SART1: variants seen among roughly 807,000 people sequenced by gnomAD.
SART1 encodes U4/U6.U5 tri-snRNP-associated protein 1.
SART1 carries 28 observed loss-of-function variants against 105.0 expected under a neutral mutation model. The observed-to-expected ratio is 0.27, with a 90% confidence interval of 0.20 to 0.37. The LOEUF (loss-of-function observed/expected upper bound fraction) is 0.37, where lower values mean the gene tolerates loss of function less well. SART1 is among the 10% of genes least tolerant of loss of function. The pLI is 1.00. For missense variants in SART1, 894 were observed against 1,106.5 expected, an observed-to-expected ratio of 0.81 and a Z score of 2.72; for synonymous variants, 472 against 462.9, an observed-to-expected ratio of 1.02 and a Z score of -0.25.
At position 65,967,719 on chromosome 11, in the gene SART1, G is replaced by A; in HGVS notation, c.1470G>A (p.Leu490=). The change falls in exon 12 of 20, where the codon CTG becomes CTA. Residue 490 remains leucine, a synonymous_variant. Transcript: ENST00000312397. ...CACCGCCGGGGTCCCCGCAGGTGCT[G>A]GAGGAGGACGAGGCGGAGCTGGAGC... The part of the protein sequence containing the change: ...GAPPPGSPQV[L]EEDEAELELQ... 1 of 1,559,370 alleles carries A rather than the reference G, an allele frequency of 6.4e-7. No homozygotes were observed. Among genetic ancestry groups the A allele is most frequent in the Non-Finnish European group, 8.7e-7 (1 of 1,151,706 alleles).
chr11:65,976,837 T>G lies in SART1; in HGVS notation c.1857+71T>G. 1.5e-6 allele frequency: 2 copies of G among 1,343,254 alleles called. No individual in the cohort carries two copies. The highest frequency in any genetic ancestry group is 1.3e-5 in the South Asian group (1 of 77,610). The allele number at this position is 1,343,254 out of a possible 1,614,324, so 83.2% of individuals were successfully genotyped here. A position where few individuals can be genotyped will look rare whatever the true frequency, so the allele number is the denominator to read the frequency against. On this transcript the variant is annotated intron_variant, in intron 14 of 19. Transcript: ENST00000312397. This position sits in a 1 kb window ranked among gnomAD's most constrained non-coding sequence, Gnocchi z 5.1. Reference sequence around the variant, plus strand: ...CTGGAGATGAGCACCGGGCTCGGTGTCCAGAGCCTCAGCCTCCTCATCCAG... The same window carrying G: ...CTGGAGATGAGCACCGGGCTCGGTGGCCAGAGCCTCAGCCTCCTCATCCAG...
Position 65,976,435 on chromosome 11 carries a change from G to A in SART1, c.1613G>A (p.Gly538Asp), listed in dbSNP as rs1255935406. 2.6e-6 allele frequency: 4 copies of A among 1,567,996 alleles called. No homozygotes were observed. The highest frequency in any genetic ancestry group is 1.4e-5 in the African/African-American group (1 of 73,532). Reference sequence around the variant, plus strand: ...AAGAAGCTGGAGTCTCGCCAGCGGGGCTGGGAGGAGGATGAGGATCCCGAG... The same window carrying A: ...AAGAAGCTGGAGTCTCGCCAGCGGGACTGGGAGGAGGATGAGGATCCCGAG... ...IVKKLESRQRGWEEDEDPERK... is the reference protein window; with the variant it reads ...IVKKLESRQRDWEEDEDPERK... The change falls in exon 13 of 20, where the codon GGC (glycine) becomes GAC (aspartate). Residue 538 changes from glycine to aspartate, a missense_variant. Transcript: ENST00000312397. This position sits in a 1 kb window ranked among gnomAD's most constrained non-coding sequence, Gnocchi z 5.1.
chr11:65,970,174 C>T (rs1405173316), intron 12 of SART1, among the ~76,000 whole-genome samples: 4 of 151,910 alleles, frequency 2.6e-5, no homozygotes, highest in African/African-American at 4.8e-5. Context: ...TTTTCCTGAC[C>T]ACTGGGAGTT....
At chr11:65,977,146 G>A in intron 15 of SART1, 45 bp downstream of exon 15, 2 of 1,450,064 alleles carry the variant, frequency 1.4e-6, no homozygotes, top group Non-Finnish European at 9.6e-7. Flanking sequence ...CTTGGGTGCT[G>A]CTGCAGGTGC....
intron 1 of SART1, 41 bp downstream of exon 1, chr11:65,962,134 G>GGGGGGGGGGGGGGGGGGGGGGGGGGGGCC: frequency 2.6e-6 from 1 of 378,092 alleles, no homozygotes; most frequent in Non-Finnish European, 4.8e-6. Flanking sequence ...GTCGGGCGGG[G>GGGGGGGGGGGGGGGGGGGGGGGGGGGGCC]GTCCCGGAAC....
In SART1 at chr11:65,978,920, T is replaced by C; in HGVS notation, c.2384+6T>C. On this transcript the variant is annotated splice_donor_region_variant and intron_variant, in intron 19 of 19. Coordinates refer to ENST00000312397, the MANE Select transcript of SART1 (RefSeq NM_005146.5). This position sits in a 1 kb window ranked among gnomAD's most constrained non-coding sequence, Gnocchi z 6.8. ...AGCGGCAAGAGCATGAACGCGTGAG[T>C]GGCTCGAGGCTGGTGGGGTAGGGTG... is the stretch of plus-strand genomic sequence containing the variant. 6.2e-7 allele frequency: 1 copy of C among 1,611,864 alleles called. No individual in the cohort carries two copies. Among genetic ancestry groups the C allele is most frequent in the South Asian group, 1.1e-5 (1 of 91,032 alleles).
At chr11:65,963,962 C>A in intron 1 of SART1, 112 bp from the exon 2 acceptor site, 1 of 825,798 alleles carries the variant, frequency 1.2e-6, no homozygotes, top group Non-Finnish European at 1.9e-6. Context: ...GGTGTTTCAG[C>A]AGGCCCAGGT....
In SART1 at chr11:65,966,102, C is replaced by T. The variant is rs775466453; in HGVS notation, c.865C>T (p.Leu289=). ...CGTGCTGCAGGAGGAGGAGGACGTG[C>T]TGGTGAACGTGAACCTGGTGGATAA... The part of the protein sequence containing the change: ...KGVLQEEEDV[L]VNVNLVDKER... The change falls in exon 8 of 20, where the codon CTG becomes TTG. Residue 289 remains leucine (L), a synonymous_variant. Transcript: ENST00000312397. The T allele has an allele frequency of 2.5e-5, 40 of 1,613,856 alleles. No homozygotes were observed. The highest frequency in any genetic ancestry group is 3.3e-5 in the Non-Finnish European group (39 of 1,180,010).
chr11:65,962,896 C>T (rs1479107048), intron 1 of SART1, among the ~76,000 whole-genome samples: 1 of 151,988 alleles, frequency 6.6e-6, no homozygotes, highest in Non-Finnish European at 1.5e-5. Context: ...TGGAGGATGA[C>T]TCCTTGAATT....
At chr11:65,964,405 T>A in intron 2 of SART1, 110 bp from the exon 3 acceptor site, 2 of 1,319,434 alleles carry the variant, frequency 1.5e-6, no homozygotes, top group Non-Finnish European at 2.2e-6. Flanking sequence ...GGGCAGACTT[T>A]GTGTTTGGGA....
At chr11:65,965,016 G>A (rs1487428526) in intron 3 of SART1, 76 bp from the exon 4 acceptor site, 2 of 1,502,856 alleles carry the variant, frequency 1.3e-6, no homozygotes, top group East Asian at 2.3e-5. Flanking sequence ...AGCTGGAAGG[G>A]GGCAGGGTGA....
intron 12 of SART1, among the ~76,000 whole-genome samples, chr11:65,973,820 C>G (rs1275691879): frequency 6.6e-6 from 1 of 152,312 alleles, no homozygotes; most frequent in East Asian, 1.9e-4. Flanking sequence ...GGGTTACTCT[C>G]AGGGGCACAG....
rs537710991 is a variant in SART1 at position 65,972,274 on chromosome 11, C to A, written c.1573-4121C>A. ...AGGATAGACTAACAGAACAGAGAGA[C>A]CAGACAGCGGGGCCCCGAGACAGAA... On this transcript the variant is annotated intron_variant, in intron 12 of 19. Transcript: ENST00000312397. 2.6e-5 allele frequency among the ~76,000 whole-genome samples: 4 copies of A among 152,186 alleles called. No homozygotes were observed. The South Asian group carries it at 8.3e-4, about 32-fold the overall frequency.
chr11:65,965,598 C>T, intron 5 of SART1, 104 bp from the exon 6 acceptor site: 2 of 1,343,030 alleles, frequency 1.5e-6, no homozygotes, highest in Non-Finnish European at 2.1e-6. Flanking sequence ...CAGCAGCTTT[C>T]CTGCAAGGCC....
Position 65,966,361 on chromosome 11 carries a change from C to G in SART1, c.993C>G (p.Arg331=), listed in dbSNP as rs756398781. ...CTCTTGCCTTGCAGCAAAAACCTCG[C>G]TCTATCCTGTCCAAGTATGACGAAG... is the stretch of plus-strand genomic sequence containing the variant. ...SVDDLAQQKP[R]SILSKYDEEL... is the part of the protein sequence containing the mutation. The change falls in exon 9 of 20, where the codon CGC becomes CGG. Residue 331 remains arginine (R), a synonymous_variant. Coordinates refer to ENST00000312397, the MANE Select transcript of SART1 (RefSeq NM_005146.5). 1 of 1,614,048 alleles carries G rather than the reference C, an allele frequency of 6.2e-7. No individual in the cohort carries two copies. Among genetic ancestry groups the G allele is most frequent in the Non-Finnish European group, 8.5e-7 (1 of 1,180,036 alleles).
In SART1 at chr11:65,979,313, T is replaced by A. The variant is rs1855545369; in HGVS notation, c.*283T>A. 3 of 569,490 alleles carry A rather than the reference T, an allele frequency of 5.3e-6. No individual in the cohort carries two copies. In the Admixed American group the frequency reaches 9.2e-5, roughly 17 times the overall value. The allele number at this position is 569,490 out of a possible 1,614,324, so 35.3% of individuals were successfully genotyped here. A position where few individuals can be genotyped will look rare whatever the true frequency, so the allele number is the denominator to read the frequency against. On this transcript the variant is annotated 3_prime_UTR_variant, in exon 20 of 20. Coordinates refer to ENST00000312397, the MANE Select transcript of SART1 (RefSeq NM_005146.5). ...CTCTGATAGAAAGTGGAAGGCGGTTTTAGAAACTCATCACCCTGCTCTCTC... is the reference window on the plus strand; with the variant it reads ...CTCTGATAGAAAGTGGAAGGCGGTTATAGAAACTCATCACCCTGCTCTCTC...
intron 12 of SART1, among the ~76,000 whole-genome samples, chr11:65,968,700 A>T (rs1213489905): frequency 6.6e-6 from 1 of 152,154 alleles, no homozygotes; most frequent in Non-Finnish European, 1.5e-5. Context: ...ACCAACCAGC[A>T]GGTGTCTCAG....
intron 1 of SART1, 51 bp downstream of exon 1, chr11:65,962,144 C>T: frequency 8.6e-7 from 1 of 1,159,874 alleles, no homozygotes. Flanking sequence ...GGTCCCGGAA[C>T]GCGTGGGTCT....
At chr11:65,969,243 G>A (rs949748355) in intron 12 of SART1, among the ~76,000 whole-genome samples, 1 of 152,208 alleles carries the variant, frequency 6.6e-6, no homozygotes, top group African/African-American at 2.4e-5. Flanking sequence ...AAACAGCCAA[G>A]ACAGTCTGTA....
Sources: allele counts gnomAD v4.1 joint callset (sites outside exome capture counted in the v4.1 genomes callset), GRCh38; gene constraint gnomAD v4.1.1; non-coding constraint Gnocchi (gnomAD v3.1); transcripts MANE v1.5; gene names NCBI Gene and HGNC (gene_info 2026-07-23, HGNC 2026-07-21).